Variants in SOCS5 observed in about 807,000 individuals in gnomAD.
The protein encoded by SOCS5 is CIS-6.
Under a neutral mutation model 42.8 loss-of-function variants are expected in SOCS5, and 32 were observed. That is an observed-to-expected ratio of 0.75 (90% CI 0.56 to 1.01). The LOEUF (loss-of-function observed/expected upper bound fraction) is 1.01. SOCS5 is among the 50% of genes least tolerant of loss of function. The pLI is 0.00. For missense variants in SOCS5, 627 were observed against 653.0 expected, an observed-to-expected ratio of 0.96 and a Z score of 0.43; for synonymous variants, 283 against 229.6, an observed-to-expected ratio of 1.23 and a Z score of -2.10.
chr2:46,746,476 C>A (rs553411831), intron 1 of SOCS5, among the ~76,000 whole-genome samples: 1 of 151,974 alleles, frequency 6.6e-6, no homozygotes, highest in Non-Finnish European at 1.5e-5. Context: ...ACGGTGAAAA[C>A]CCGTCTCTAG....
intron 1 of SOCS5, among the ~76,000 whole-genome samples, chr2:46,722,955 T>A (rs1672914237): frequency 6.6e-6 from 1 of 152,136 alleles, no homozygotes; most frequent in Non-Finnish European, 1.5e-5. Flanking sequence ...CCATCTGTTC[T>A]TTTCAGTGAA....
intron 1 of SOCS5, among the ~76,000 whole-genome samples, chr2:46,703,646 A>G (rs1385977940): frequency 7.2e-5 from 11 of 152,218 alleles, no homozygotes. Flanking sequence ...ATACATTTAA[A>G]GATAATTATG....
chr2:46,709,632 A>G (rs1231407643), intron 1 of SOCS5, among the ~76,000 whole-genome samples: 1 of 152,212 alleles, frequency 6.6e-6, no homozygotes, highest in Non-Finnish European at 1.5e-5. Context: ...GACCTGGTGA[A>G]CAAGATTTCC....
chr2:46,704,427 C>T (rs1419506282), intron 1 of SOCS5, among the ~76,000 whole-genome samples: 1 of 152,178 alleles, frequency 6.6e-6, no homozygotes, highest in Non-Finnish European at 1.5e-5. Flanking sequence ...CAGGTTAGAC[C>T]TGCGTATATG....
At chr2:46,750,354 AC>A (rs949989523) in intron 1 of SOCS5, among the ~76,000 whole-genome samples, 6 of 152,012 alleles carry the variant, frequency 3.9e-5, no homozygotes, top group Non-Finnish European at 5.9e-5. Context: ...TTAAATACTT[AC>A]TTTTTTTTTA....
intron 1 of SOCS5, among the ~76,000 whole-genome samples, chr2:46,754,527 A>G (rs1009292643): frequency 1.3e-5 from 2 of 152,158 alleles, no homozygotes; most frequent in African/African-American, 4.8e-5. Flanking sequence ...GGAACCTAAC[A>G]TAACTAAAAG....
At chr2:46,709,327 GCTTT>G (rs1316095309) in intron 1 of SOCS5, among the ~76,000 whole-genome samples, 1 of 152,196 alleles carries the variant, frequency 6.6e-6, no homozygotes, top group Non-Finnish European at 1.5e-5. Flanking sequence ...CAAAGGTTCT[GCTTT>G]CTAAGCAAAG....
At chr2:46,756,316 A>G (rs918364473) in intron 1 of SOCS5, among the ~76,000 whole-genome samples, 3 of 152,224 alleles carry the variant, frequency 2.0e-5, no homozygotes, top group Non-Finnish European at 2.9e-5. Flanking sequence ...GTTTATCTTA[A>G]ATAGGTGGAT....
intron 1 of SOCS5, among the ~76,000 whole-genome samples, chr2:46,750,829 A>T (rs757861564): frequency 2.6e-5 from 4 of 152,164 alleles, no homozygotes; most frequent in Non-Finnish European, 5.9e-5. Flanking sequence ...TTTTCTTTTG[A>T]GTATGCATGT....
At chr2:46,713,053 A>G (rs1473250434) in intron 1 of SOCS5, among the ~76,000 whole-genome samples, 2 of 152,286 alleles carry the variant, frequency 1.3e-5, no homozygotes, top group East Asian at 3.9e-4. Flanking sequence ...AAGGAATTTA[A>G]TTTATAAAAG....
intron 1 of SOCS5, among the ~76,000 whole-genome samples, chr2:46,727,202 G>A (rs1254927166): frequency 7.3e-6 from 1 of 137,358 alleles, no homozygotes; most frequent in African/African-American, 2.8e-5. Flanking sequence ...AGGCTGGAGT[G>A]CAGTGGCACG....
intron 1 of SOCS5, among the ~76,000 whole-genome samples, chr2:46,740,186 A>G (rs1327569956): frequency 3.9e-5 from 6 of 152,298 alleles, no homozygotes; most frequent in East Asian, 1.9e-4. Flanking sequence ...TGTGCTTTCA[A>G]TCGTGAATGA....
intron 1 of SOCS5, among the ~76,000 whole-genome samples, chr2:46,700,895 A>G (rs1047149058): frequency 3.9e-5 from 6 of 152,190 alleles, no homozygotes; most frequent in African/African-American, 1.4e-4. Flanking sequence ...AGCGTACTTT[A>G]CGGTTTACAA....
chr2:46,711,869 C>T (rs965957370), intron 1 of SOCS5, among the ~76,000 whole-genome samples: 7 of 152,178 alleles, frequency 4.6e-5, no homozygotes, highest in South Asian at 4.1e-4. Flanking sequence ...ATTGCTTTGG[C>T]ACCTTGTTAA....
At chr2:46,750,185 A>G (rs1673593076) in intron 1 of SOCS5, among the ~76,000 whole-genome samples, 1 of 152,128 alleles carries the variant, frequency 6.6e-6, no homozygotes, top group Non-Finnish European at 1.5e-5. Flanking sequence ...TTTATTGCCT[A>G]TCCGCTTTTC....
At chr2:46,720,171 A>C (rs1672847957) in intron 1 of SOCS5, among the ~76,000 whole-genome samples, 1 of 152,214 alleles carries the variant, frequency 6.6e-6, no homozygotes, top group Non-Finnish European at 1.5e-5. Context: ...GTGAGAACTA[A>C]AGATAATCCA....
intron 1 of SOCS5, among the ~76,000 whole-genome samples, chr2:46,733,443 C>T (rs1017019397): frequency 6.6e-5 from 10 of 151,728 alleles, no homozygotes; most frequent in Non-Finnish European, 1.2e-4. Flanking sequence ...GTGTGGGGCC[C>T]ATGCCTGTAA....
chr2:46,716,266 C>T (rs1298132730), intron 1 of SOCS5, among the ~76,000 whole-genome samples: 1 of 150,492 alleles, frequency 6.6e-6, no homozygotes, highest in Non-Finnish European at 1.5e-5. Flanking sequence ...CTCAAATGTC[C>T]TTTACTTACC....
At chr2:46,721,883 C>T (rs572376739) in intron 1 of SOCS5, among the ~76,000 whole-genome samples, 16 of 151,970 alleles carry the variant, frequency 1.1e-4, no homozygotes, top group African/African-American at 2.7e-4. Context: ...ATTCAAAGTG[C>T]ATGTTTTTGG....
Sources: allele counts gnomAD v4.1 joint callset (sites outside exome capture counted in the v4.1 genomes callset), GRCh38; gene constraint gnomAD v4.1.1; transcripts MANE v1.5; gene names NCBI Gene and HGNC (gene_info 2026-07-23, HGNC 2026-07-21).